The following INSL6 variants were observed in gnomAD, a reference collection of about 807,000 sequenced individuals.
INSL6 encodes insulin-like peptide INSL6.
In INSL6, 16 loss-of-function variants were observed where a neutral mutation model predicts 9.4. The ratio of observed to expected loss-of-function variants is 1.70; its 90% CI spans 1.15 to 2.59. The LOEUF is 2.59. Ranked by LOEUF, INSL6 falls within the 30% of genes most tolerant of loss-of-function variation. INSL6 has a pLI of 0.00. For synonymous variants in INSL6, 154 were observed against 96.9 expected (o/e 1.59, Z -3.46); for missense variants, 391 against 257.3 (o/e 1.52, Z -3.56).
At chr9:5,009,440 T>C in the INSL6 span, among the ~76,000 whole-genome samples, 11 of 152,252 alleles carry the variant, frequency 7.2e-5, no homozygotes, top group East Asian at 1.9e-3. Flanking sequence ...GTCAGGATTT[T>C]TTTTTTTAAT....
At chr9:5,161,048 A>C (rs1262790510), downstream of INSL6, among the ~76,000 whole-genome samples, 1 of 152,138 alleles carries the variant, frequency 6.6e-6, no homozygotes, top group Non-Finnish European at 1.5e-5. Context: ...CTAATCCAAA[A>C]AGTAGACGTG....
the INSL6 span, among the ~76,000 whole-genome samples, chr9:5,040,058 T>G: frequency 6.6e-6 from 1 of 152,322 alleles, no homozygotes; most frequent in East Asian, 1.9e-4. Flanking sequence ...ATTACAAAAT[T>G]TATTACAAAA....
rs757710499 is a variant in INSL6, at chr9:5,126,667, T to C, written c.*11-2156A>G. The C allele has an allele frequency of 1.9e-6, 3 of 1,569,038 alleles. No individual in the cohort carries two copies. The Admixed American group carries it at 5.5e-5, about 29-fold the overall frequency. ...CCTTAGTGTTCATTTAATTTTGGTT[T>C]ATTTTCTCCTTTACAGATCTATATG... On this transcript the variant is annotated intron_variant, in intron 3 of 3. Transcript: ENST00000649639.
downstream of INSL6, chr9:5,123,194 T>G (rs910005877): frequency 1.9e-6 from 2 of 1,028,648 alleles, no homozygotes; most frequent in Admixed American, 2.0e-5. Context: ...GGGGTACAAG[T>G]ACAATTTTGC....
chr9:5,112,802 G>A, the INSL6 span: 13 of 543,780 alleles, frequency 2.4e-5, no homozygotes, highest in African/African-American at 2.5e-4. Context: ...GCTTTCAGCT[G>A]CCCACCTGGG....
chr9:5,052,537 T>C, the INSL6 span, among the ~76,000 whole-genome samples: 1 of 152,150 alleles, frequency 6.6e-6, no homozygotes, highest in Admixed American at 6.6e-5. Context: ...ATATACAATT[T>C]AATATTTTGT....
chr9:5,127,517 A>G (rs892625747), intron 3 of INSL6: 1 of 231,058 alleles, frequency 4.3e-6, no homozygotes, highest in Non-Finnish European at 8.6e-6. Flanking sequence ...GATATAATCT[A>G]TTTTATTATG....
At chr9:5,099,676 C>G in the INSL6 span, 2 of 152,096 alleles carry the variant, frequency 1.3e-5, no homozygotes. Flanking sequence ...AATTAGTAAC[C>G]GATTATTTTC....
In INSL6 at chr9:5,167,005, C is replaced by T. The variant is rs566050150; in HGVS notation, c.290-2740G>A. Among the ~76,000 whole-genome samples, 451 of 152,216 alleles carry T rather than the reference C, an allele frequency of 3.0e-3. 3 individuals carry two copies. Among genetic ancestry groups the T allele is most frequent in the African/African-American group, 0.01 (426 of 41,542 alleles). ...AACACCTTTGCTCTGCAGCTCCCAC[C>T]GAAAAGGACAAAAATGGCAAGTGGA... On this transcript the variant is annotated intron_variant, in intron 1 of 1. Coordinates refer to ENST00000381641, the MANE Select transcript of INSL6 (RefSeq NM_007179.3).
chr9:5,024,264 A>T, the INSL6 span, among the ~76,000 whole-genome samples: 13 of 151,306 alleles, frequency 8.6e-5, no homozygotes, highest in East Asian at 5.8e-4. Flanking sequence ...TCAAAAAAAA[A>T]TTTTTTTTTG....
chr9:5,049,208 C>G, the INSL6 span, among the ~76,000 whole-genome samples: 2 of 152,200 alleles, frequency 1.3e-5, no homozygotes, highest in Non-Finnish European at 2.9e-5. Flanking sequence ...TTATTTTCTT[C>G]AAGCACTTCT....
intron 2 of INSL6, among the ~76,000 whole-genome samples, chr9:5,142,042 T>G (rs1287701323): frequency 6.6e-6 from 1 of 152,190 alleles, no homozygotes; most frequent in Non-Finnish European, 1.5e-5. Context: ...GAAATCTTAT[T>G]TCTGTGTTCT....
intron 2 of INSL6, among the ~76,000 whole-genome samples, chr9:5,151,653 AAGAT>A (rs1378512826): frequency 1.3e-5 from 2 of 152,178 alleles, no homozygotes; most frequent in East Asian, 1.9e-4. Flanking sequence ...CGAAAGTTTA[AAGAT>A]AAATAAATAA....
the INSL6 span, among the ~76,000 whole-genome samples, chr9:5,072,160 G>C: frequency 6.6e-6 from 1 of 152,112 alleles, no homozygotes; most frequent in Non-Finnish European, 1.5e-5. Flanking sequence ...TGTGCTAGTA[G>C]GAAAGGCAAA....
At chr9:5,000,526 G>C in the INSL6 span, among the ~76,000 whole-genome samples, 8 of 150,736 alleles carry the variant, frequency 5.3e-5, no homozygotes, top group Non-Finnish European at 1.2e-4. Context: ...TTGTGTAGAT[G>C]GTTTTCTAGT....
the INSL6 span, among the ~76,000 whole-genome samples, chr9:5,036,994 A>C: frequency 1.3e-5 from 2 of 152,190 alleles, no homozygotes; most frequent in African/African-American, 4.8e-5. Context: ...AGAATATACA[A>C]TGAACTCTAA....
intron 1 of INSL6, among the ~76,000 whole-genome samples, chr9:5,174,116 C>T (rs567740233): frequency 8.5e-5 from 13 of 152,196 alleles, no homozygotes; most frequent in African/African-American, 2.2e-4. Context: ...AATCCTTCTC[C>T]GCATTCTTCA....
At chr9:5,128,000 T>G (rs1824109013) in intron 3 of INSL6, 1 of 232,202 alleles carries the variant, frequency 4.3e-6, no homozygotes, top group African/African-American at 2.2e-5. Flanking sequence ...CAATTAAGTA[T>G]AAGGGGTTGT....
the INSL6 span, among the ~76,000 whole-genome samples, chr9:5,115,547 A>C: frequency 6.6e-6 from 1 of 152,218 alleles, no homozygotes; most frequent in Non-Finnish European, 1.5e-5. Flanking sequence ...TTCACTGAGC[A>C]ATTCCATTAC....
Sources: gnomAD v4.1 joint callset for allele counts (sites outside exome capture counted in the v4.1 genomes callset) on GRCh38, gnomAD v4.1.1 for gene constraint, MANE v1.5 for transcripts, NCBI Gene and HGNC (gene_info 2026-07-23, HGNC 2026-07-21) for gene names.